The following CHRNA9 variants were observed in gnomAD, a reference collection of about 807,000 sequenced individuals.
CHRNA9 encodes neuronal acetylcholine receptor subunit alpha-9.
In CHRNA9, 24 loss-of-function variants were observed where a neutral mutation model predicts 36.8. The ratio of observed to expected loss-of-function variants is 0.65; its 90% CI spans 0.47 to 0.92. The LOEUF is 0.92. Ranked by LOEUF, CHRNA9 falls within the 40% of genes least tolerant of loss-of-function variation. The pLI is 0.00. For missense variants in CHRNA9, 610 were observed against 601.2 expected (o/e 1.01, Z -0.15); for synonymous variants, 231 against 231.8 (o/e 1.00, Z 0.03).
chr4:40,341,296 G>C (rs574738072), intron 3 of CHRNA9, among the ~76,000 whole-genome samples: 1 of 120,720 alleles, frequency 8.3e-6, no homozygotes, highest in African/African-American at 3.2e-5. Context: ...GTTTTTTGGC[G>C]GGGGTGGTGG....
intron 3 of CHRNA9, among the ~76,000 whole-genome samples, chr4:40,341,070 A>G (rs1712488040): frequency 6.6e-6 from 1 of 151,856 alleles, no homozygotes; most frequent in Non-Finnish European, 1.5e-5. Context: ...CAGTTCAAGT[A>G]GATACTGGCT....
In CHRNA9 at chr4:40,335,523, G is replaced by C. The variant is rs529317428; in HGVS notation, c.56G>C (p.Arg19Thr). Residue 19 changes from arginine to threonine, a missense_variant, in exon 1 of 5, where the codon AGA becomes ACA. By Grantham distance (71) the Arg-to-Thr change is moderately conservative (BLOSUM62 -1). Coordinates refer to ENST00000310169, the MANE Select transcript of CHRNA9 (RefSeq NM_017581.4). ...SFCWIYFAAS[R>T]LRAAETADGK... ...TGCTGGATCTACTTTGCTGCTTCCAGACTGAGAGGTGAGAGGCTGGTGACA... is the reference window on the plus strand; with the variant it reads ...TGCTGGATCTACTTTGCTGCTTCCACACTGAGAGGTGAGAGGCTGGTGACA... 17 of 1,612,496 alleles carry C rather than the reference G, an allele frequency of 1.1e-5. No homozygotes were observed. The Admixed American group carries it at 2.2e-4, about 21-fold the overall frequency.
chr4:40,345,685 C>T (rs1712618601), intron 3 of CHRNA9, among the ~76,000 whole-genome samples: 1 of 151,604 alleles, frequency 6.6e-6, no homozygotes, highest in Non-Finnish European at 1.5e-5. Flanking sequence ...GCACTAAAGC[C>T]TGGGCAACAG....
chr4:40,339,448 C>T (rs1452421123), intron 3 of CHRNA9, among the ~76,000 whole-genome samples: 21 of 150,052 alleles, frequency 1.4e-4, no homozygotes, highest in Admixed American at 1.2e-3. Context: ...CTTGGGAGGC[C>T]GAGGGGGGCG....
intron 4 of CHRNA9, 147 bp from the exon 5 acceptor site, chr4:40,353,832 A>G (rs1407540452): frequency 1.4e-6 from 1 of 719,044 alleles, no homozygotes; most frequent in Non-Finnish European, 2.3e-6. Context: ...AGGTTTGTGT[A>G]CATACACTCT....
chr4:40,343,585 A>G (rs377110442), intron 3 of CHRNA9, among the ~76,000 whole-genome samples: 68 of 152,354 alleles, frequency 4.5e-4, no homozygotes, highest in African/African-American at 1.5e-3. Flanking sequence ...GGGTGGGGAC[A>G]CAGCCAAACC....
chr4:40,343,041 C>T (rs962557421), intron 3 of CHRNA9, among the ~76,000 whole-genome samples: 12 of 152,192 alleles, frequency 7.9e-5, no homozygotes, highest in Admixed American at 3.9e-4. Flanking sequence ...GACAAGTCTA[C>T]GCTGAGGTTC....
Position 40,335,423 on chromosome 4 carries a change from C to G in CHRNA9, c.-45C>G. 1 of 1,456,814 alleles carries G rather than the reference C, an allele frequency of 6.9e-7. No homozygotes were observed. Among genetic ancestry groups the G allele is most frequent in the Non-Finnish European group, 9.7e-7 (1 of 1,036,224 alleles). 90.2% of individuals were successfully genotyped at this position (1,456,814 alleles called of 1,614,324 possible). ...TGTATTCATAGGGGGAAGTGGAAGA[C>G]CACGCTGCCTGACTGAGACTTTATT... On this transcript the variant is annotated 5_prime_UTR_variant, in exon 1 of 5. Transcript: ENST00000310169.
chr4:40,339,707 C>T (rs1712446030), intron 3 of CHRNA9, among the ~76,000 whole-genome samples: 2 of 151,394 alleles, frequency 1.3e-5, no homozygotes, highest in African/African-American at 2.4e-5. Context: ...CTATCGCCCA[C>T]GCTAGAGTGC....
intron 3 of CHRNA9, chr4:40,348,268 A>C (rs1334698480): frequency 6.6e-6 from 1 of 152,460 alleles, no homozygotes; most frequent in African/African-American, 2.4e-5. Context: ...GGAGGAAGTA[A>C]CGGGAGAAAG....
chr4:40,344,590 A>G (rs1262744437), intron 3 of CHRNA9, among the ~76,000 whole-genome samples: 5 of 152,136 alleles, frequency 3.3e-5, no homozygotes, highest in African/African-American at 1.2e-4. Flanking sequence ...TACAGCAGCA[A>G]TAGAAATTAA....
intron 3 of CHRNA9, among the ~76,000 whole-genome samples, chr4:40,340,042 A>T (rs7681304): frequency 0.77 from 117,640 of 151,998 alleles, 46,430 homozygotes; most frequent in East Asian, 0.95. Context: ...CTGTTTTGAT[A>T]GGCTGAGGTG....
Position 40,335,892 on chromosome 4 carries a change from A to C in CHRNA9, c.130A>C (p.Asn44His). 2 of 1,611,614 alleles carry C rather than the reference A, an allele frequency of 1.2e-6. No individual in the cohort carries two copies. The highest frequency in any genetic ancestry group is 1.7e-6 in the Non-Finnish European group (2 of 1,177,632). Residue 44 changes from asparagine (N) to histidine (H), a missense_variant, in exon 2 of 5, where the codon AAT (asparagine) becomes CAT (histidine). Transcript: ENST00000310169. ...LFNDLFEDYS[N>H]ALRPVEDTDK... ...TAATGACCTTTTTGAAGATTATTCT[A>C]ATGCTCTTCGTCCAGTGGAAGATAC...
Position 40,354,270 on chromosome 4 carries a change from A to G in CHRNA9, c.1190A>G (p.Asn397Ser), listed in dbSNP as rs1378965695. 1.2e-6 allele frequency: 2 copies of G among 1,614,242 alleles called. No homozygotes were observed. Among genetic ancestry groups the G allele is most frequent in the Non-Finnish European group, 1.7e-6 (2 of 1,180,034 alleles). Residue 397 changes from asparagine (N) to serine (S), a missense_variant, in exon 5 of 5, where the codon AAC becomes AGC. Physicochemically the swap from Asn to Ser is conservative, Grantham distance 46 (BLOSUM62 1). Coordinates refer to ENST00000310169, the MANE Select transcript of CHRNA9 (RefSeq NM_017581.4). Reference sequence around the variant, plus strand: ...GACCTTTCCAGAAAGAAGGACATGAACAAACGCTTAAAGAACGACCTGGGC... The same window carrying G: ...GACCTTTCCAGAAAGAAGGACATGAGCAAACGCTTAAAGAACGACCTGGGC... Reference protein sequence around the residue: ...NKDLSRKKDMNKRLKNDLGCQ... With the variant: ...NKDLSRKKDMSKRLKNDLGCQ...
chr4:40,352,159 A>T (rs997039989), intron 4 of CHRNA9, among the ~76,000 whole-genome samples: 1 of 152,152 alleles, frequency 6.6e-6, no homozygotes, highest in Non-Finnish European at 1.5e-5. Context: ...TTATTCTTGC[A>T]CTAATTTTGA....
rs377381846 is a variant in CHRNA9, at chr4:40,348,852, C to T, written c.366-30C>T. Reference sequence around the variant, plus strand: ...GAAGGTGGCAAGTTCTCCTAGCATGCGGCTTTCATTTTCCTTATCTGACCT... The same window carrying T: ...GAAGGTGGCAAGTTCTCCTAGCATGTGGCTTTCATTTTCCTTATCTGACCT... On this transcript the variant is annotated intron_variant, in intron 3 of 4. Transcript: ENST00000310169. 66 of 1,599,702 alleles carry T rather than the reference C, an allele frequency of 4.1e-5. No homozygotes were observed. The African/African-American group carries it at 4.8e-4, about 12-fold the overall frequency.
Position 40,349,328 on chromosome 4 carries a change from T to A in CHRNA9, c.812T>A (p.Leu271Gln), listed in dbSNP as rs1234436919. 2.5e-6 allele frequency: 4 copies of A among 1,614,022 alleles called. No individual in the cohort carries two copies. In the African/African-American group the frequency reaches 5.3e-5, roughly 22 times the overall value. Residue 271 changes from leucine to glutamine, a missense_variant, in exon 4 of 5, where the codon CTG (leucine) becomes CAG (glutamine). Transcript: ENST00000310169. Reference protein sequence around the residue: ...LPAASGEKVSLGVTILLAMTV... With the variant: ...LPAASGEKVSQGVTILLAMTV... ...GCAGCCTCCGGAGAAAAGGTCTCCC[T>A]GGGAGTGACCATCCTGTTGGCCATG...
chr4:40,349,068 C>T lies in CHRNA9; in HGVS notation c.552C>T (p.Asp184=). The part of the protein sequence containing the change: ...GSWTYNGNQV[D]IFNALDSGDL... ...GGACCTACAATGGCAATCAGGTGGACATATTCAACGCCTTGGACAGCGGAG... is the reference window on the plus strand; with the variant it reads ...GGACCTACAATGGCAATCAGGTGGATATATTCAACGCCTTGGACAGCGGAG... Residue 184 remains aspartate, a synonymous_variant, in exon 4 of 5, where the codon GAC becomes GAT. Coordinates refer to ENST00000310169, the MANE Select transcript of CHRNA9 (RefSeq NM_017581.4). The T allele has an allele frequency of 6.2e-6, 10 of 1,614,146 alleles. No homozygotes were observed. Among genetic ancestry groups the T allele is most frequent in the Non-Finnish European group, 8.5e-6 (10 of 1,180,032 alleles).
At chr4:40,345,246 G>A (rs1470757396) in intron 3 of CHRNA9, among the ~76,000 whole-genome samples, 1 of 152,184 alleles carries the variant, frequency 6.6e-6, no homozygotes, top group Admixed American at 6.5e-5. Flanking sequence ...TATTGGTCAT[G>A]AAGTGATTAA....
Sources: gnomAD v4.1 joint callset for allele counts (sites outside exome capture counted in the v4.1 genomes callset) on GRCh38, gnomAD v4.1.1 for gene constraint, MANE v1.5 for transcripts, NCBI Gene and HGNC (gene_info 2026-07-23, HGNC 2026-07-21) for gene names.